The following NELL1 variants were observed in gnomAD, a reference collection of about 807,000 sequenced individuals.
NELL1 encodes neural EGFL like 1, also known as protein kinase C-binding protein NELL1.
NELL1 carries 76 observed loss-of-function variants against 107.4 expected under a neutral mutation model. The ratio of observed to expected loss-of-function variants is 0.71; its 90% CI spans 0.59 to 0.86. The LOEUF is 0.86. NELL1 is among the 40% of genes least tolerant of loss of function. The pLI is 0.00. For synonymous variants in NELL1, 353 were observed against 341.2 expected (o/e 1.03, Z -0.38); for missense variants, 1,024 against 1,005.5 (o/e 1.02, Z -0.25).
At chr11:21,292,898 G>T (rs1018670753) in intron 14 of NELL1, among the ~76,000 whole-genome samples, 1 of 152,022 alleles carries the variant, frequency 6.6e-6, no homozygotes, top group Admixed American at 6.6e-5. Context: ...ACTGAAACTG[G>T]ACCCCTTCCT....
intron 16 of NELL1, among the ~76,000 whole-genome samples, chr11:21,549,063 T>C (rs967121278): frequency 2.6e-5 from 4 of 151,782 alleles, no homozygotes; most frequent in Non-Finnish European, 5.9e-5. Flanking sequence ...TCAAATATAT[T>C]CTATACTAAT....
intron 4 of NELL1, among the ~76,000 whole-genome samples, chr11:20,862,605 C>CTTTTTTTTTTTTTTT (rs386373288): frequency 4.2e-5 from 4 of 94,650 alleles, no homozygotes; most frequent in Non-Finnish European, 5.8e-5. Flanking sequence ...TGAGCTGCTG[C>CTTTTTTTTTTTTTTT]TTTTTTTTTT....
chr11:21,229,381 C>T lies in NELL1; in HGVS notation c.1476C>T (p.Ile492=). Residue 492 remains isoleucine (I), a synonymous_variant, in exon 14 of 20, where the codon ATC becomes ATT. Coordinates refer to ENST00000357134, the MANE Select transcript of NELL1 (RefSeq NM_006157.5). The stretch of plus-strand genomic sequence containing the variant: ...AGCACAACTGTGATGAGAATGCCAT[C>T]TGCACCAACACTGTCCAGGGACACA... ...SGQHNCDENA[I]CTNTVQGHSC... is the part of the protein sequence containing the mutation. 4 of 1,614,018 alleles carry T rather than the reference C, an allele frequency of 2.5e-6. No individual in the cohort carries two copies. The highest frequency in any genetic ancestry group is 3.4e-6 in the Non-Finnish European group (4 of 1,179,918).
rs1006495793 is a variant in NELL1 at position 21,551,350 on chromosome 11, T to C, written c.1787-8839T>C. Among the ~76,000 whole-genome samples the C allele has an allele frequency of 2.0e-5, 3 of 152,182 alleles. No homozygotes were observed. The East Asian group carries it at 5.8e-4, about 30-fold the overall frequency. ...CCCTTTATTTCATTCTCCTGCCTAA[T>C]TGCCTTGGCCAGAATTTCCAACACT... On this transcript the variant is annotated intron_variant, in intron 16 of 19. Transcript: ENST00000357134.
At chr11:21,340,312 C>T (rs1000284666) in intron 14 of NELL1, among the ~76,000 whole-genome samples, 2 of 152,074 alleles carry the variant, frequency 1.3e-5, no homozygotes, top group Non-Finnish European at 2.9e-5. Flanking sequence ...ACCGCCATAC[C>T]TGGCTAATTT....
At chr11:20,855,262 T>A (rs957884634) in intron 4 of NELL1, among the ~76,000 whole-genome samples, 1 of 152,106 alleles carries the variant, frequency 6.6e-6, no homozygotes, top group Non-Finnish European at 1.5e-5. Flanking sequence ...GTGAAAGGAT[T>A]AATTGAAATG....
At chr11:21,487,799 A>G (rs768017755) in intron 15 of NELL1, among the ~76,000 whole-genome samples, 6 of 152,182 alleles carry the variant, frequency 3.9e-5, no homozygotes, top group Non-Finnish European at 8.8e-5. Context: ...CTTTACCTGT[A>G]AGGACACAAG....
intron 13 of NELL1, among the ~76,000 whole-genome samples, chr11:21,189,571 A>T (rs946041899): frequency 6.6e-6 from 1 of 151,768 alleles, no homozygotes; most frequent in South Asian, 2.1e-4. Flanking sequence ...TATATTATAG[A>T]GAGAATATCT....
intron 10 of NELL1, among the ~76,000 whole-genome samples, chr11:20,942,593 C>T (rs923457742): frequency 2.0e-5 from 3 of 152,152 alleles, no homozygotes; most frequent in African/African-American, 4.8e-5. Context: ...TAGTAGAGTG[C>T]TTACCACAAA....
chr11:20,964,640 G>T (rs922608223), intron 12 of NELL1, among the ~76,000 whole-genome samples: 1 of 152,142 alleles, frequency 6.6e-6, no homozygotes, highest in African/African-American at 2.4e-5. Flanking sequence ...TGACTTAAAT[G>T]CTCCCTCTTC....
chr11:21,224,550 A>G (rs188448313), intron 13 of NELL1, among the ~76,000 whole-genome samples: 3 of 152,192 alleles, frequency 2.0e-5, no homozygotes, highest in Non-Finnish European at 4.4e-5. Context: ...TAGGTTTTCT[A>G]TGCCATTTCC....
intron 14 of NELL1, among the ~76,000 whole-genome samples, chr11:21,248,181 C>A (rs1858542811): frequency 1.3e-5 from 2 of 151,872 alleles, no homozygotes; most frequent in African/African-American, 2.4e-5. Context: ...TCCATCTCTA[C>A]CAAAATACAA....
intron 2 of NELL1, among the ~76,000 whole-genome samples, chr11:20,755,955 T>G (rs1486568713): frequency 7.1e-6 from 1 of 141,014 alleles, no homozygotes; most frequent in Non-Finnish European, 1.5e-5. Flanking sequence ...TGCAGTGGCG[T>G]GATCTCGGCT....
chr11:21,496,107 T>G (rs1321969344), intron 15 of NELL1, among the ~76,000 whole-genome samples: 1 of 152,032 alleles, frequency 6.6e-6, no homozygotes, highest in Non-Finnish European at 1.5e-5. Context: ...GATTAATTTT[T>G]CATTTTTGAG....
chr11:21,422,135 G>A (rs965933231), intron 15 of NELL1, among the ~76,000 whole-genome samples: 11 of 151,656 alleles, frequency 7.3e-5, no homozygotes, highest in African/African-American at 1.9e-4. Flanking sequence ...ACACACGCAC[G>A]TGTATGTACA....
chr11:21,280,086 G>C (rs1273819948), intron 14 of NELL1, among the ~76,000 whole-genome samples: 1 of 152,108 alleles, frequency 6.6e-6, no homozygotes, highest in African/African-American at 2.4e-5. Flanking sequence ...CTCAAATAGA[G>C]GATTTTTAAG....
intron 2 of NELL1, among the ~76,000 whole-genome samples, chr11:20,718,096 G>A (rs1352739093): frequency 6.6e-6 from 1 of 152,118 alleles, no homozygotes; most frequent in Non-Finnish European, 1.5e-5. Context: ...TCTATAAAAG[G>A]AGAGGGTTGA....
At chr11:21,569,266 T>C (rs2134011652) in intron 17 of NELL1, among the ~76,000 whole-genome samples, 1 of 152,030 alleles carries the variant, frequency 6.6e-6, no homozygotes, top group Non-Finnish European at 1.5e-5. Context: ...AGGTGAGCAT[T>C]AAATTCAATT....
chr11:20,766,945 T>C (rs1856545443), intron 2 of NELL1, among the ~76,000 whole-genome samples: 1 of 152,182 alleles, frequency 6.6e-6, no homozygotes, highest in Non-Finnish European at 1.5e-5. Context: ...GGTTTCACTG[T>C]GTTGGCCAGG....
Sources: allele counts gnomAD v4.1 joint callset (sites outside exome capture counted in the v4.1 genomes callset), GRCh38; gene constraint gnomAD v4.1.1; transcripts MANE v1.5; gene names NCBI Gene and HGNC (gene_info 2026-07-23, HGNC 2026-07-21).